Variants in TCF12 observed in about 807,000 individuals in gnomAD.
The protein encoded by TCF12 is DNA-binding protein HTF4.
TCF12 carries 45 observed loss-of-function variants against 86.0 expected under a neutral mutation model. The observed-to-expected ratio is 0.52, with a 90% CI of 0.41 to 0.67. The LOEUF (loss-of-function observed/expected upper bound fraction) is 0.67, where lower values mean the gene tolerates loss of function less well. Among genes scored for constraint, TCF12 ranks in the 30% least tolerant of loss-of-function variants. The pLI is 0.00. For synonymous variants in TCF12, 330 were observed against 299.6 expected (o/e 1.10, Z -1.05); for missense variants, 881 against 859.9 (o/e 1.02, Z -0.31).
chr15:57,228,889 AT>A (rs1312611150), intron 8 of TCF12, among the ~76,000 whole-genome samples: 12 of 152,054 alleles, frequency 7.9e-5, no homozygotes, highest in African/African-American at 2.7e-4. Flanking sequence ...GAGTGTTTTC[AT>A]AATTATCAAG....
chr15:57,069,611 C>T (rs768505906), intron 4 of TCF12, among the ~76,000 whole-genome samples: 2 of 152,182 alleles, frequency 1.3e-5, no homozygotes, highest in South Asian at 2.1e-4. Context: ...GAGATTTGAC[C>T]AGGTGTAGAT....
chr15:57,169,277 T>A (rs2055131620), intron 6 of TCF12, among the ~76,000 whole-genome samples: 1 of 152,184 alleles, frequency 6.6e-6, no homozygotes, highest in Admixed American at 6.5e-5. Flanking sequence ...TATTGAATCT[T>A]ACATGTATTC....
rs111762408 is a variant in TCF12 at position 57,065,842 on chromosome 15, G to T, written c.222+2019G>T. Among the ~76,000 whole-genome samples, 21 of 152,200 alleles carry T rather than the reference G, an allele frequency of 1.4e-4. 4 individuals carry two copies. The highest frequency in any genetic ancestry group is 5.1e-4 in the African/African-American group (21 of 41,530). On this transcript the variant is annotated intron_variant, in intron 4 of 20. Transcript: ENST00000333725. ...TTATTTTTAGTATGTATTATGTACAGTGAAAAGTTAAATTGATTATATAGT... is the reference window on the plus strand; with the variant it reads ...TTATTTTTAGTATGTATTATGTACATTGAAAAGTTAAATTGATTATATAGT...
intron 3 of TCF12, among the ~76,000 whole-genome samples, chr15:57,039,075 T>G (rs1046726540): frequency 1.3e-5 from 2 of 152,190 alleles, no homozygotes; most frequent in Admixed American, 1.3e-4. Flanking sequence ...GCCAGACTGC[T>G]TGGTGTATCT....
chr15:57,273,362 C>T, intron 19 of TCF12, 100 bp downstream of exon 19: 4 of 1,199,754 alleles, frequency 3.3e-6, no homozygotes, highest in Non-Finnish European at 4.8e-6. Flanking sequence ...TTTGTTATTT[C>T]TCCCAGTACT....
Position 57,251,433 on chromosome 15 carries a change from T to G in TCF12, c.1188+10T>G. 6.2e-7 allele frequency: 1 copy of G among 1,613,470 alleles called. No individual in the cohort carries two copies. Among genetic ancestry groups the G allele is most frequent in the Non-Finnish European group, 8.5e-7 (1 of 1,179,572 alleles). On this transcript the variant is annotated intron_variant, in intron 14 of 20. Coordinates refer to ENST00000333725, the MANE Select transcript of TCF12 (RefSeq NM_207037.2). ...CTCACTCCACTCCCTGGTAAGAGCC[T>G]CTTATACATCAGTTTTATCTGATAG...
chr15:57,056,806 CTTT>C (rs113348374), intron 3 of TCF12, among the ~76,000 whole-genome samples: 1 of 142,278 alleles, frequency 7.0e-6, no homozygotes, highest in Admixed American at 6.9e-5. Flanking sequence ...GAGATTTTCA[CTTT>C]TTTTTTTTTT....
intron 8 of TCF12, among the ~76,000 whole-genome samples, chr15:57,224,152 A>T (rs1277491600): frequency 1.3e-5 from 2 of 152,042 alleles, no homozygotes; most frequent in Admixed American, 1.3e-4. Flanking sequence ...GGTCAACTTT[A>T]TGAATGTTTT....
intron 6 of TCF12, among the ~76,000 whole-genome samples, chr15:57,189,404 C>T (rs2056861753): frequency 6.6e-6 from 1 of 152,100 alleles, no homozygotes; most frequent in Admixed American, 6.6e-5. Flanking sequence ...AAGAAGATAA[C>T]CCAGTTAGAA....
At position 56,947,440 on chromosome 15, in the gene TCF12, C is replaced by CT. The variant is rs141218406; in HGVS notation, c.148+26343dup. Among the ~76,000 whole-genome samples, 756 of 152,276 alleles carry CT rather than the reference C, an allele frequency of 5.0e-3. 9 individuals carry two copies. Among genetic ancestry groups the CT allele is most frequent in the African/African-American group, 0.017 (720 of 41,556 alleles). On this transcript the variant is annotated intron_variant, in intron 3 of 20. Coordinates refer to ENST00000333725, the MANE Select transcript of TCF12 (RefSeq NM_207037.2). ...CCAGCTGCCTTTTCCTCCCAGAACT[C>CT]TAATTTCTGTCCCCTCCATTCAGTA... is the stretch of plus-strand genomic sequence containing the variant.
chr15:57,135,161 A>G (rs1033898920), intron 5 of TCF12, among the ~76,000 whole-genome samples: 2 of 152,208 alleles, frequency 1.3e-5, no homozygotes, highest in African/African-American at 4.8e-5. Context: ...CAGCTTTACT[A>G]TAACTCATTC....
intron 5 of TCF12, among the ~76,000 whole-genome samples, chr15:57,148,527 G>A (rs575859289): frequency 6.6e-6 from 1 of 152,094 alleles, no homozygotes; most frequent in African/African-American, 2.4e-5. Context: ...AGGGAACTTG[G>A]AAAGTTGGAA....
intron 3 of TCF12, among the ~76,000 whole-genome samples, chr15:57,018,699 C>A (rs527272659): frequency 4.6e-5 from 7 of 152,172 alleles, no homozygotes; most frequent in African/African-American, 1.4e-4. Context: ...CCTTGGCCTC[C>A]CAAAGGGCTA....
chr15:57,113,173 C>A (rs1483704962), intron 5 of TCF12, among the ~76,000 whole-genome samples: 1 of 152,156 alleles, frequency 6.6e-6, no homozygotes, highest in African/African-American at 2.4e-5. Context: ...CCCGTGACTC[C>A]CTATTTCTAG....
At chr15:57,101,560 T>G (rs2049753540) in intron 5 of TCF12, among the ~76,000 whole-genome samples, 1 of 152,204 alleles carries the variant, frequency 6.6e-6, no homozygotes, top group Admixed American at 6.5e-5. Flanking sequence ...TGCCTGTATT[T>G]CAGGACTTTC....
intron 12 of TCF12, among the ~76,000 whole-genome samples, chr15:57,240,879 C>CAGAA (rs2059589588): frequency 1.5e-5 from 1 of 65,684 alleles, no homozygotes; most frequent in South Asian, 7.1e-4. Flanking sequence ...GACCCTGTCT[C>CAGAA]AAAAAAAAAA....
intron 8 of TCF12, among the ~76,000 whole-genome samples, chr15:57,224,556 A>G (rs1009934400): frequency 3.9e-5 from 6 of 152,166 alleles, no homozygotes; most frequent in African/African-American, 1.4e-4. Context: ...GTTACACAGT[A>G]AGAGCAGCAG....
chr15:57,086,032 G>A (rs2048599914), intron 4 of TCF12, among the ~76,000 whole-genome samples: 1 of 151,824 alleles, frequency 6.6e-6, no homozygotes, highest in African/African-American at 2.4e-5. Flanking sequence ...CTAAAACTCA[G>A]CAGCATTTTA....
At chr15:57,253,117 T>A in intron 15 of TCF12, 145 bp from the exon 16 acceptor site, 1 of 759,350 alleles carries the variant, frequency 1.3e-6, no homozygotes, top group Non-Finnish European at 2.1e-6. Flanking sequence ...GTTGTTGATT[T>A]ATAGTTCAGG....
Sources: gnomAD v4.1 joint callset for allele counts (sites outside exome capture counted in the v4.1 genomes callset) on GRCh38, gnomAD v4.1.1 for gene constraint, MANE v1.5 for transcripts, NCBI Gene and HGNC (gene_info 2026-07-23, HGNC 2026-07-21) for gene names.